The following DENND4A variants were observed in gnomAD, a reference collection of about 807,000 sequenced individuals.
DENND4A encodes the protein C-myc promoter-binding protein.
In DENND4A, 70 loss-of-function variants were observed where a neutral mutation model predicts 199.3. The ratio of observed to expected loss-of-function variants is 0.35; its 90% CI spans 0.29 to 0.43. The LOEUF (loss-of-function observed/expected upper bound fraction) is 0.43. DENND4A is among the 20% of genes least tolerant of loss of function. The pLI, the probability that DENND4A is intolerant of heterozygous loss-of-function variation, is 1.00. For synonymous variants in DENND4A, 686 were observed against 766.9 expected (o/e 0.89, Z 1.74); for missense variants, 1,723 against 2,255.8 (o/e 0.76, Z 4.78).
chr15:65,719,921 C>T (rs1224683705), intron 12 of DENND4A, among the ~76,000 whole-genome samples: 2 of 151,930 alleles, frequency 1.3e-5, no homozygotes, highest in African/African-American at 4.8e-5. Flanking sequence ...AGATGGGTGG[C>T]CTGTATTTAT....
intron 4 of DENND4A, among the ~76,000 whole-genome samples, chr15:65,747,232 A>C (rs1489776616): frequency 6.6e-6 from 1 of 152,142 alleles, no homozygotes; most frequent in East Asian, 1.9e-4. Context: ...CTTCTTCACA[A>C]ATTTTTGCAA....
chr15:65,750,521 A>G (rs2076533031), intron 4 of DENND4A, among the ~76,000 whole-genome samples: 1 of 152,154 alleles, frequency 6.6e-6, no homozygotes, highest in Admixed American at 6.5e-5. Flanking sequence ...ATACAAAAAA[A>G]TTCAAATTAA....
At chr15:65,722,473 GA>G (rs576217167) in intron 12 of DENND4A, among the ~76,000 whole-genome samples, 4 of 143,406 alleles carry the variant, frequency 2.8e-5, no homozygotes, top group African/African-American at 5.1e-5. Context: ...TCTCAAAAGA[GA>G]AAAAAAAAAC....
chr15:65,746,482 G>A (rs933466571), intron 4 of DENND4A, among the ~76,000 whole-genome samples: 3 of 132,318 alleles, frequency 2.3e-5, no homozygotes, highest in Non-Finnish European at 3.1e-5. Context: ...TGCCTCCCAG[G>A]TTAAAGCAAT....
chr15:65,790,516 A>G (rs2077685962), intron 1 of DENND4A, among the ~76,000 whole-genome samples: 1 of 152,214 alleles, frequency 6.6e-6, no homozygotes, highest in African/African-American at 2.4e-5. Flanking sequence ...ACAGTGAAGT[A>G]GGTCTATGTT....
intron 1 of DENND4A, among the ~76,000 whole-genome samples, chr15:65,782,800 T>C (rs1329214442): frequency 1.3e-5 from 2 of 152,222 alleles, no homozygotes; most frequent in East Asian, 1.9e-4. Flanking sequence ...ATTTGTTTAG[T>C]TGCAGTAATC....
intron 14 of DENND4A, among the ~76,000 whole-genome samples, chr15:65,712,703 G>A (rs1006250893): frequency 1.3e-5 from 2 of 150,232 alleles, no homozygotes; most frequent in Non-Finnish European, 3.0e-5. Flanking sequence ...ATCAAGGGAT[G>A]AGTTGTATTT....
intron 9 of DENND4A, 115 bp downstream of exon 9, chr15:65,731,527 G>T: frequency 1.2e-6 from 1 of 808,372 alleles, no homozygotes; most frequent in Non-Finnish European, 2.0e-6. Context: ...TAGAGAAGTA[G>T]TAGTTAAATG....
At chr15:65,675,221 T>C (rs1184828912) in intron 24 of DENND4A, among the ~76,000 whole-genome samples, 1 of 152,076 alleles carries the variant, frequency 6.6e-6, no homozygotes, top group African/African-American at 2.4e-5. Context: ...AAAAAGAATA[T>C]GTGACAGAGG....
intron 12 of DENND4A, among the ~76,000 whole-genome samples, chr15:65,721,168 A>G (rs113516003): frequency 3.3e-5 from 5 of 151,610 alleles, no homozygotes; most frequent in African/African-American, 1.2e-4. Flanking sequence ...TTAGCTATTC[A>G]AAAGAAGTGC....
chr15:65,778,315 G>T (rs897499717), intron 1 of DENND4A, among the ~76,000 whole-genome samples: 2 of 151,870 alleles, frequency 1.3e-5, no homozygotes, highest in African/African-American at 4.8e-5. Context: ...TTTCTTCTCT[G>T]GTGATAACAG....
chr15:65,716,574 CTCA>C (rs1053403509), intron 13 of DENND4A, among the ~76,000 whole-genome samples: 1 of 152,036 alleles, frequency 6.6e-6, no homozygotes, highest in African/African-American at 2.4e-5. Flanking sequence ...AGGACATGAA[CTCA>C]TCATTTTTTA....
rs751368107 is a variant in DENND4A at position 65,670,100 on chromosome 15, G to T, written c.4553C>A (p.Ser1518Ter). The T allele has an allele frequency of 6.2e-7, 1 of 1,604,698 alleles. No individual in the cohort carries two copies. The highest frequency in any genetic ancestry group is 8.5e-7 in the Non-Finnish European group (1 of 1,175,052). Residue 1518 changes from serine (S) to a stop codon, truncating the protein, a stop_gained, in exon 26 of 33, where the codon TCA becomes TAA. Transcript: ENST00000443035. LOFTEE classifies it high-confidence loss of function. The part of the protein sequence containing the change: ...EIMAGWTADD[S>*]NLNTTCPFCG... ...GAATGGGCATGTAGTATTGAGATTT[G>T]AATCATCTGCTGTCCAGCCAGCCAT...
At chr15:65,717,711 C>A in intron 13 of DENND4A, 67 bp downstream of exon 13, 5 of 1,332,512 alleles carry the variant, frequency 3.8e-6, no homozygotes, top group Non-Finnish European at 4.1e-6. Flanking sequence ...TTAATACAGA[C>A]AGCAAATGAA....
In DENND4A at chr15:65,703,727, G is replaced by A. The variant is rs112657864; in HGVS notation, c.2088-719C>T. ...CATGCCTATAATCCCAGTTACTCAGGAAACTAAGGCAGGAGGACTGCCTGA... is the reference window on the plus strand; with the variant it reads ...CATGCCTATAATCCCAGTTACTCAGAAAACTAAGGCAGGAGGACTGCCTGA... On this transcript the variant is annotated intron_variant, in intron 15 of 32. Coordinates refer to ENST00000443035, the MANE Select transcript of DENND4A (RefSeq NM_001320835.1). 3.0e-3 allele frequency among the ~76,000 whole-genome samples: 461 copies of A among 152,316 alleles called. 1 individual carries two copies. Among genetic ancestry groups the A allele is most frequent in the African/African-American group, 0.011 (448 of 41,562 alleles).
chr15:65,720,584 G>GT (rs901144966), intron 12 of DENND4A, among the ~76,000 whole-genome samples: 1 of 151,788 alleles, frequency 6.6e-6, no homozygotes, highest in African/African-American at 2.4e-5. Flanking sequence ...GGTAATTTTT[G>GT]TATTTTTAGT....
chr15:65,677,794 C>T (rs921328494), intron 23 of DENND4A, among the ~76,000 whole-genome samples: 2 of 152,092 alleles, frequency 1.3e-5, no homozygotes, highest in Non-Finnish European at 2.9e-5. Flanking sequence ...TGTACATATA[C>T]AGTTTTATTT....
intron 14 of DENND4A, among the ~76,000 whole-genome samples, chr15:65,709,719 A>ACAT (rs1555422996): frequency 9.7e-5 from 5 of 51,470 alleles, no homozygotes; most frequent in Non-Finnish European, 6.3e-5. Context: ...AAAAAAAAAA[A>ACAT]ATATATATAT....
At chr15:65,750,729 C>CA (rs1043445069) in intron 4 of DENND4A, among the ~76,000 whole-genome samples, 2 of 145,176 alleles carry the variant, frequency 1.4e-5, no homozygotes, top group Non-Finnish European at 3.0e-5. Flanking sequence ...GTATACATTC[C>CA]TTTTTTTTTT....
Sources: gnomAD v4.1 joint callset for allele counts (sites outside exome capture counted in the v4.1 genomes callset) on GRCh38, gnomAD v4.1.1 for gene constraint, MANE v1.5 for transcripts, NCBI Gene and HGNC (gene_info 2026-07-23, HGNC 2026-07-21) for gene names.